DEGS1: variants seen among roughly 807,000 people sequenced by gnomAD.
DEGS1 encodes the protein delta 4-desaturase, sphingolipid 1, also known as sphingolipid delta(4)-desaturase DES1.
A neutral mutation model predicts 24.1 loss-of-function variants in DEGS1; 17 were observed. The observed-to-expected ratio is 0.70, with a 90% CI of 0.48 to 1.06. The LOEUF (loss-of-function observed/expected upper bound fraction) is 1.06, where lower values mean the gene tolerates loss of function less well. Among genes scored for constraint, DEGS1 ranks in the 50% least tolerant of loss-of-function variants. The pLI is 0.00. For missense variants in DEGS1, 366 were observed against 408.9 expected, an observed-to-expected ratio of 0.90 and a Z score of 0.91; for synonymous variants, 134 against 140.0, an observed-to-expected ratio of 0.96 and a Z score of 0.30.
chr1:224,185,054 TTATATA>T (rs1198777121), intron 1 of DEGS1, among the ~76,000 whole-genome samples: 1 of 151,940 alleles, frequency 6.6e-6, no homozygotes, highest in Non-Finnish European at 1.5e-5. Flanking sequence ...CAATTATTCC[TTATATA>T]TAGTATTTCC....
intron 1 of DEGS1, among the ~76,000 whole-genome samples, chr1:224,188,732 C>G (rs1182607440): frequency 6.6e-6 from 1 of 152,096 alleles, no homozygotes; most frequent in Non-Finnish European, 1.5e-5. Context: ...ATATAGGTCC[C>G]TTATGAGATA....
Position 224,190,151 on chromosome 1 carries a change from C to T in DEGS1, c.657C>T (p.Gly219=). Residue 219 remains glycine, a synonymous_variant, in exon 2 of 3, where the codon GGC becomes GGT. Transcript: ENST00000323699. ...LVYMLAASLL[G]LGLHPISGHF... is the part of the protein sequence containing the mutation. ...ACATGTTGGCAGCATCTTTACTTGG[C>T]CTGGGTTTGCACCCAATTTCTGGAC... 1 of 1,603,686 alleles carries T rather than the reference C, an allele frequency of 6.2e-7. No homozygotes were observed. The highest frequency in any genetic ancestry group is 8.5e-7 in the Non-Finnish European group (1 of 1,175,056).
At position 224,190,060 on chromosome 1, in the gene DEGS1, A is replaced by G; in HGVS notation, c.566A>G (p.Asn189Ser). The change falls in exon 2 of 3, where the codon AAT becomes AGT. Residue 189 changes from asparagine to serine, a missense_variant. Asn to Ser is a conservative substitution (Grantham distance 46). Coordinates refer to ENST00000323699, the MANE Select transcript of DEGS1 (RefSeq NM_003676.4). ...PKPITYLEVI[N>S]TVAQVTFDIL... ...CCAATTACGTATCTGGAAGTTATCA[A>G]TACCGTGGCACAGGTCACTTTTGAC... 1 of 1,614,202 alleles carries G rather than the reference A, an allele frequency of 6.2e-7. No individual in the cohort carries two copies. The highest frequency in any genetic ancestry group is 8.5e-7 in the Non-Finnish European group (1 of 1,180,042).
chr1:224,189,764 G>T lies in DEGS1; in HGVS notation c.270G>T (p.Glu90Asp). 4 of 1,614,200 alleles carry T rather than the reference G, an allele frequency of 2.5e-6. No individual in the cohort carries two copies. The highest frequency in any genetic ancestry group is 3.4e-6 in the Non-Finnish European group (4 of 1,180,028). The change falls in exon 2 of 3, where the codon GAG becomes GAT. Residue 90 changes from glutamate to aspartate, a missense_variant. Coordinates refer to ENST00000323699, the MANE Select transcript of DEGS1 (RefSeq NM_003676.4). ...ACTCAATGACTCTGGCTATTCATGA[G>T]ATTGCCCACAATGCTGCCTTTGGCA... is the stretch of plus-strand genomic sequence containing the variant. The part of the protein sequence containing the change: ...INHSMTLAIH[E>D]IAHNAAFGNC...
At chr1:224,186,804 A>T (rs1286461127) in intron 1 of DEGS1, among the ~76,000 whole-genome samples, 1 of 151,966 alleles carries the variant, frequency 6.6e-6, no homozygotes, top group African/African-American at 2.4e-5. Flanking sequence ...ATACTAACTC[A>T]TGTTCTGTTT....
intron 1 of DEGS1, among the ~76,000 whole-genome samples, chr1:224,184,775 C>T (rs1572039746): frequency 6.6e-6 from 1 of 152,030 alleles, no homozygotes; most frequent in Non-Finnish European, 1.5e-5. Context: ...CTTGGCCTCC[C>T]GAAGTTTTGG....
intron 1 of DEGS1, among the ~76,000 whole-genome samples, chr1:224,184,456 G>GTGTTTGTTTTTTGTT (rs1477778927): frequency 8.4e-6 from 1 of 118,746 alleles, no homozygotes; most frequent in East Asian, 2.0e-4. Context: ...TCCAGAGCAC[G>GTGTTTGTTTTTTGTT]TGTTTGTTTT....
rs775110760 is a variant in DEGS1 at position 224,190,353 on chromosome 1, G to T, written c.825+34G>T. Reference sequence around the variant, plus strand: ...AGGATTTGATACATATTCTAATTTTGTTTTTTCATTTGTTTGTTTTTTGAG... The same window carrying T: ...AGGATTTGATACATATTCTAATTTTTTTTTTTCATTTGTTTGTTTTTTGAG... On this transcript the variant is annotated intron_variant, in intron 2 of 2. Coordinates refer to ENST00000323699, the MANE Select transcript of DEGS1 (RefSeq NM_003676.4). 5 of 1,438,512 alleles carry T rather than the reference G, an allele frequency of 3.5e-6. No homozygotes were observed. In the Admixed American group the frequency reaches 1.3e-4, roughly 39 times the overall value. 89.1% of individuals were successfully genotyped at this position (1,438,512 alleles called of 1,614,324 possible).
chr1:224,184,075 A>G (rs1460112959), intron 1 of DEGS1, among the ~76,000 whole-genome samples: 1 of 152,198 alleles, frequency 6.6e-6, no homozygotes, highest in African/African-American at 2.4e-5. Flanking sequence ...GATCCTCACG[A>G]CAAGCCTGGG....
rs1249902672 is a variant in DEGS1 at position 224,184,702 on chromosome 1, G to GA, written c.82+1285dup. Among the ~76,000 whole-genome samples the GA allele has an allele frequency of 3.9e-5, 6 of 152,192 alleles. No individual in the cohort carries two copies. The Middle Eastern group carries it at 0.01, about 259-fold the overall frequency. On this transcript the variant is annotated intron_variant, in intron 1 of 2. Coordinates refer to ENST00000323699, the MANE Select transcript of DEGS1 (RefSeq NM_003676.4). Reference sequence around the variant, plus strand: ...AATGTTTGTATCTTTTTTAGTTAGAGACGGGGTTTCACCATGTTGGCCAGG... The same window carrying GA: ...AATGTTTGTATCTTTTTTAGTTAGAGAACGGGGTTTCACCATGTTGGCCAGG...
chr1:224,183,701 G>C, intron 1 of DEGS1: 1 of 282,164 alleles, frequency 3.5e-6, no homozygotes, highest in Non-Finnish European at 6.6e-6. Context: ...CCAGGCCCAC[G>C]CCGGCCGGTT....
At position 224,192,776 on chromosome 1, in the gene DEGS1, A is replaced by G. The variant is rs1060386; in HGVS notation, c.*298A>G. On this transcript the variant is annotated 3_prime_UTR_variant, in exon 3 of 3. Coordinates refer to ENST00000323699, the MANE Select transcript of DEGS1 (RefSeq NM_003676.4). ...AAAGCTTCTAAAAAGCTATTTCGCC[A>G]GGCACGGTGGCTCATGCCTATAATC... The G allele has an allele frequency of 0.16, 44,454 of 281,106 alleles. 4,296 individuals are homozygous for G. The highest frequency in any genetic ancestry group is 0.36 in the East Asian group (2,928 of 8,170). The allele number at this position is 281,106 out of a possible 1,614,324, so 17.4% of individuals were successfully genotyped here. A position where few individuals can be genotyped will look rare whatever the true frequency, so the allele number is the denominator to read the frequency against.
chr1:224,184,436 G>C (rs1211987980), intron 1 of DEGS1, among the ~76,000 whole-genome samples: 1 of 151,954 alleles, frequency 6.6e-6, no homozygotes, highest in East Asian at 1.9e-4. Flanking sequence ...ATGCGCATTC[G>C]GTTGCCTCTT....
intron 1 of DEGS1, among the ~76,000 whole-genome samples, chr1:224,186,154 T>A (rs941365628): frequency 5.3e-5 from 8 of 150,818 alleles, no homozygotes; most frequent in African/African-American, 1.9e-4. Flanking sequence ...AAAAAAAAAA[T>A]TTAATTAGCG....
At position 224,183,270 on chromosome 1, in the gene DEGS1, C is replaced by G; in HGVS notation, c.-67C>G. On this transcript the variant is annotated 5_prime_UTR_variant, in exon 1 of 3. Transcript: ENST00000323699. ...ACCAGCCGGGGAGCCGCCGCCGCCG[C>G]CGCCACCTCTGAGCAGCCGGCTGGG... is the stretch of plus-strand genomic sequence containing the variant. The G allele has an allele frequency of 7.2e-7, 1 of 1,392,668 alleles. No individual in the cohort carries two copies. 86.3% of individuals were successfully genotyped at this position (1,392,668 alleles called of 1,614,324 possible).
At chr1:224,192,114 AG>A (rs1224696811) in intron 2 of DEGS1, among the ~76,000 whole-genome samples, 1 of 151,928 alleles carries the variant, frequency 6.6e-6, no homozygotes, top group Non-Finnish European at 1.5e-5. Flanking sequence ...AGAGACCTAG[AG>A]GGTCGAGTGT....
chr1:224,183,406 CGG>C lies in DEGS1; in HGVS notation c.72_73del (p.Glu25AspfsTer15). On this transcript the variant is annotated frameshift_variant, in exon 1 of 3. Coordinates refer to ENST00000323699, the MANE Select transcript of DEGS1 (RefSeq NM_003676.4). LOFTEE classifies it high-confidence loss of function. ...YTDQPHADRR[R>X]EILAKYPEIK... is the part of the protein sequence containing the mutation. ...CGACCAGCCGCACGCCGACCGGCGC[CGG>C]GAGATCCTGGGTGAGGGCCAGCGGG... The C allele has an allele frequency of 7.0e-7, 1 of 1,426,434 alleles. No individual in the cohort carries two copies. The allele number at this position is 1,426,434 out of a possible 1,614,324, so 88.4% of individuals were successfully genotyped here.
rs369554633 is a variant in DEGS1, at chr1:224,183,564, G to T, written c.82+146G>T. 8.9e-4 allele frequency: 485 copies of T among 546,924 alleles called. 5 individuals carry two copies. The East Asian group carries it at 0.01, about 11-fold the overall frequency. The allele number at this position is 546,924 out of a possible 1,614,324, so 33.9% of individuals were successfully genotyped here. ...GTCGCGTCCCGTCGCCGCTCGGGCCGCCAGCCCGCGGGTCAGCGCGGGAGA... is the reference window on the plus strand; with the variant it reads ...GTCGCGTCCCGTCGCCGCTCGGGCCTCCAGCCCGCGGGTCAGCGCGGGAGA... On this transcript the variant is annotated intron_variant, in intron 1 of 2. Coordinates refer to ENST00000323699, the MANE Select transcript of DEGS1 (RefSeq NM_003676.4).
chr1:224,192,227 T>G (rs1572045055), intron 2 of DEGS1, 105 bp from the exon 3 acceptor site: 1 of 894,472 alleles, frequency 1.1e-6, no homozygotes, highest in South Asian at 1.9e-5. Flanking sequence ...GGGAGGCAGG[T>G]CTCATGGTTT....
Sources: gnomAD v4.1 joint callset for allele counts (sites outside exome capture counted in the v4.1 genomes callset) on GRCh38, gnomAD v4.1.1 for gene constraint, MANE v1.5 for transcripts, NCBI Gene and HGNC (gene_info 2026-07-23, HGNC 2026-07-21) for gene names.